Variants in C3 observed in about 807,000 individuals in gnomAD.
The protein encoded by C3 is C3 and PZP-like alpha-2-macroglobulin domain-containing protein 1.
C3 carries 97 observed loss-of-function variants against 207.9 expected under a neutral mutation model. The observed-to-expected ratio is 0.47, with a 90% CI of 0.40 to 0.55. C3 has a LOEUF of 0.55. C3 is among the 20% of genes least tolerant of loss of function. The pLI is 0.00. For synonymous variants in C3, 848 were observed against 857.6 expected, an observed-to-expected ratio of 0.99 and a Z score of 0.20; for missense variants, 1,684 against 2,171.7, an observed-to-expected ratio of 0.78 and a Z score of 4.46.
chr19:6,678,013 T>C lies in C3; in HGVS notation c.4861A>G (p.Ile1621Val), dbSNP rs1470943551. Residue 1621 changes from isoleucine to valine, a missense_variant, in exon 41 of 41, where the codon ATC becomes GTC. Physicochemically the swap from Ile to Val is conservative, Grantham distance 29 (BLOSUM62 3). Around this residue, in one of 3 missense-constraint regions of C3, gnomAD observed 346 missense variants for 380.1 expected, o/e 0.91. Transcript: ENST00000245907. ...TCCACCCAAGTGTCCTTCCCGATGA[T>C]GTAGCTGAGGCTGGAGGGAAGAATG... is the stretch of plus-strand genomic sequence containing the variant. The part of the protein sequence containing the change: ...FWGEKPNLSY[I>V]IGKDTWVEHW... 6 of 1,613,882 alleles carry C rather than the reference T, an allele frequency of 3.7e-6. No homozygotes were observed. Among genetic ancestry groups the C allele is most frequent in the Admixed American group, 3.3e-5 (2 of 59,982 alleles).
chr19:6,683,621 T>G (rs1428901702), intron 33 of C3, among the ~76,000 whole-genome samples: 1 of 151,964 alleles, frequency 6.6e-6, no homozygotes, highest in African/African-American at 2.4e-5. Flanking sequence ...CGGCTAATTT[T>G]TTTGTATTTT....
At chr19:6,693,150 A>G (rs1918208086) in intron 25 of C3, 67 bp from the exon 26 acceptor site, 11 of 1,568,796 alleles carry the variant, frequency 7.0e-6, no homozygotes, top group Middle Eastern at 1.8e-4. Context: ...CAACCAGCCA[A>G]TGAGCGTGGG....
chr19:6,699,263 C>CTT (rs1967599788), intron 19 of C3, among the ~76,000 whole-genome samples: 1 of 142,738 alleles, frequency 7.0e-6, no homozygotes, highest in African/African-American at 2.6e-5. Context: ...TTTGTAGAGA[C>CTT]GGGGCTTTGC....
intron 7 of C3, 105 bp from the exon 8 acceptor site, chr19:6,713,614 T>C (rs1793127308): frequency 1.1e-6 from 1 of 886,682 alleles, no homozygotes; most frequent in Non-Finnish European, 1.8e-6. Context: ...AACCCACTGC[T>C]GGCCTCTCAC....
rs557956695 is a variant in C3 at position 6,694,851 on chromosome 19, C to T, written c.2951-217G>A. ...AGTGGGAGGTGCTTCACAGGGGCAC[C>T]CTGGTCCTTGGGTCTCATTTCACCA... On this transcript the variant is annotated intron_variant, in intron 23 of 40. Transcript: ENST00000245907. Among the ~76,000 whole-genome samples, 7 of 152,174 alleles carry T rather than the reference C, an allele frequency of 4.6e-5. No individual in the cohort carries two copies. The South Asian group carries it at 1.0e-3, about 23-fold the overall frequency.
At chr19:6,699,243 C>CTTTTTTT (rs58493671) in intron 19 of C3, among the ~76,000 whole-genome samples, 2 of 131,276 alleles carry the variant, frequency 1.5e-5, no homozygotes, top group African/African-American at 5.4e-5. Context: ...CTTTTCTTTT[C>CTTTTTTT]TTTTTTTTTT....
At chr19:6,690,595 G>C in intron 27 of C3, 34 bp downstream of exon 27, 1 of 1,553,774 alleles carries the variant, frequency 6.4e-7, no homozygotes, top group Non-Finnish European at 8.9e-7. Flanking sequence ...CATCGGGTAA[G>C]GTAGGGTAGG....
rs1279834337 is a variant in C3, at chr19:6,679,260, T to C, written c.4547-52A>G. On this transcript the variant is annotated intron_variant, in intron 37 of 40. Transcript: ENST00000245907. ...TAAGTCCCACTCCTTATCTGGGGCCTACTGCCCATGGGTGTGGCCAGCCCT... is the reference window on the plus strand; with the variant it reads ...TAAGTCCCACTCCTTATCTGGGGCCCACTGCCCATGGGTGTGGCCAGCCCT... 3 of 1,521,112 alleles carry C rather than the reference T, an allele frequency of 2.0e-6. No individual in the cohort carries two copies. In the South Asian group the frequency reaches 3.4e-5, roughly 17 times the overall value. The allele number at this position is 1,521,112 out of a possible 1,614,324, so 94.2% of individuals were successfully genotyped here.
chr19:6,718,990 G>A (rs1437207409), intron 2 of C3, among the ~76,000 whole-genome samples: 1 of 109,708 alleles, frequency 9.1e-6, no homozygotes, highest in Non-Finnish European at 1.8e-5. Flanking sequence ...GGTGGGGGGG[G>A]GTCTCAGAAA....
chr19:6,717,781 T>G, intron 4 of C3: 1 of 521,914 alleles, frequency 1.9e-6, no homozygotes. Flanking sequence ...GTGTGTATTG[T>G]GTTGTGTGTT....
In C3 at chr19:6,712,556, G is replaced by A. The variant is rs1211114810; in HGVS notation, c.1071C>T (p.Phe357=). 1.9e-6 allele frequency: 3 copies of A among 1,614,166 alleles called. No individual in the cohort carries two copies. The South Asian group carries it at 3.3e-5, about 18-fold the overall frequency. The change falls in exon 10 of 41, where the codon TTC becomes TTT. Residue 357 remains phenylalanine, a synonymous_variant. Transcript: ENST00000245907. ...GTTTGAAGTACTTGGGTGTCTTGGT[G>A]AAGTGGATCTGGTAGGGAGAGGTCA... ...PIVTSPYQIH[F]TKTPKYFKPG...
In C3 at chr19:6,694,568, GT is replaced by G. The variant is rs1203488409; in HGVS notation, c.3016del (p.Thr1006ProfsTer10). On this transcript the variant is annotated frameshift_variant, in exon 24 of 41. Transcript: ENST00000245907. LOFTEE classifies it high-confidence loss of function. ...GTTCTGTTCCCCGCAGCCCGAGGGGGTCACAATGAGGTGCTTCAGCCGTTCC... is the reference window on the plus strand; with the variant it reads ...GTTCTGTTCCCCGCAGCCCGAGGGGGCACAATGAGGTGCTTCAGCCGTTCC... ...DAERLKHLIV[T>X]PSGCGEQNMI... 6.2e-7 allele frequency: 1 copy of G among 1,613,964 alleles called. No individual in the cohort carries two copies. Among genetic ancestry groups the G allele is most frequent in the African/African-American group, 1.3e-5 (1 of 74,930 alleles).
chr19:6,680,608 A>C (rs963618566), intron 35 of C3, among the ~76,000 whole-genome samples: 1 of 152,174 alleles, frequency 6.6e-6, no homozygotes, highest in African/African-American at 2.4e-5. Flanking sequence ...AGGTGCTTGG[A>C]TCCCTGAGAG....
chr19:6,696,752 C>T, intron 21 of C3, 93 bp from the exon 22 acceptor site: 1 of 1,279,542 alleles, frequency 7.8e-7, no homozygotes, highest in Non-Finnish European at 1.1e-6. Context: ...TTAGGATCAC[C>T]CTAGCATTGC....
At chr19:6,711,255 C>T in intron 11 of C3, 59 bp from the exon 12 acceptor site, 1 of 1,416,764 alleles carries the variant, frequency 7.1e-7, no homozygotes, top group Non-Finnish European at 9.9e-7. Context: ...ACACCCGAAT[C>T]CCTGAGACCT....
chr19:6,707,598 A>G (rs1967808186), intron 15 of C3, 61 bp from the exon 16 acceptor site: 1 of 1,588,348 alleles, frequency 6.3e-7, no homozygotes, highest in Non-Finnish European at 8.6e-7. Flanking sequence ...TCCTCGGTTC[A>G]CCCCTCACGA....
At chr19:6,689,848 G>T (rs1380616917) in intron 27 of C3, among the ~76,000 whole-genome samples, 1 of 152,142 alleles carries the variant, frequency 6.6e-6, no homozygotes, top group African/African-American at 2.4e-5. Flanking sequence ...CGGGTATGGT[G>T]GCGGGTGCCT....
At position 6,684,755 on chromosome 19, in the gene C3, T is replaced by C; in HGVS notation, c.4029+20A>G. 31 of 1,613,662 alleles carry C rather than the reference T, an allele frequency of 1.9e-5. No homozygotes were observed. Among genetic ancestry groups the C allele is most frequent in the Non-Finnish European group, 2.6e-5 (31 of 1,179,608 alleles). ...GGCAGAGGGGCATGGGCCAGGCAGG[T>C]GTGGGTTTCTGTTCCTTACCGACAA... On this transcript the variant is annotated intron_variant, in intron 31 of 40. Coordinates refer to ENST00000245907, the MANE Select transcript of C3 (RefSeq NM_000064.4).
chr19:6,682,544 C>A, intron 33 of C3: 1 of 381,044 alleles, frequency 2.6e-6, no homozygotes, highest in South Asian at 2.2e-5. Flanking sequence ...ACAGGCAGCC[C>A]TCACTCTGCA....
Sources: gnomAD v4.1 joint callset for allele counts (sites outside exome capture counted in the v4.1 genomes callset) on GRCh38, gnomAD v4.1.1 for gene constraint, gnomAD v4.1.1 regional missense constraint, MANE v1.5 for transcripts, NCBI Gene and HGNC (gene_info 2026-07-23, HGNC 2026-07-21) for gene names.